DLGAP2: variants seen among roughly 807,000 people sequenced by gnomAD.
DLGAP2 encodes DLG associated protein 2.
Under a neutral mutation model 100.3 loss-of-function variants are expected in DLGAP2, and 26 were observed. The observed-to-expected ratio is 0.26, with a 90% confidence interval of 0.19 to 0.36. DLGAP2 has a LOEUF of 0.36. Ranked by LOEUF, DLGAP2 falls within the 10% of genes least tolerant of loss-of-function variation. The pLI is 1.00. For missense variants in DLGAP2, 1,858 were observed against 1,453.2 expected (o/e 1.28, Z -4.53); for synonymous variants, 886 against 630.1 (o/e 1.41, Z -6.08).
At chr8:1,663,506 A>G (rs1026609441) in intron 8 of DLGAP2, among the ~76,000 whole-genome samples, 4 of 152,166 alleles carry the variant, frequency 2.6e-5, no homozygotes, top group Non-Finnish European at 5.9e-5. Flanking sequence ...CCAAGATCAC[A>G]TGATGACATG....
Position 1,675,238 on chromosome 8 carries a change from C to T in DLGAP2, c.2203-1295C>T, listed in dbSNP as rs1420638972. 3.3e-5 allele frequency among the ~76,000 whole-genome samples: 5 copies of T among 152,248 alleles called. No individual in the cohort carries two copies. The South Asian group carries it at 6.2e-4, about 19-fold the overall frequency. ...GGCCGAGAGCTCCAGGGTTTTCTCGCGCTCTGTCTTCTGTGCGGCACCCGG... is the reference window on the plus strand; with the variant it reads ...GGCCGAGAGCTCCAGGGTTTTCTCGTGCTCTGTCTTCTGTGCGGCACCCGG... On this transcript the variant is annotated intron_variant, in intron 10 of 14. Coordinates refer to ENST00000637795, the MANE Select transcript of DLGAP2 (RefSeq NM_001346810.2).
intron 2 of DLGAP2, among the ~76,000 whole-genome samples, chr8:1,219,497 G>A (rs11778225): frequency 0.26 from 39,099 of 151,944 alleles, 7,382 homozygotes; most frequent in African/African-American, 0.53. Context: ...GCATCTTAAT[G>A]TGCTGCTGGA....
intron 3 of DLGAP2, among the ~76,000 whole-genome samples, chr8:1,285,529 T>C (rs1799904032): frequency 6.6e-6 from 1 of 152,194 alleles, no homozygotes; most frequent in Non-Finnish European, 1.5e-5. Context: ...TCTGGGGCTG[T>C]GGAATAATAA....
chr8:1,301,544 C>G (rs1379052537), intron 3 of DLGAP2: 1 of 152,094 alleles, frequency 6.6e-6, no homozygotes. Flanking sequence ...CACTTTCACT[C>G]TTTTTCTTGC....
At chr8:969,233 A>T (rs1799955206) in intron 2 of DLGAP2, among the ~76,000 whole-genome samples, 1 of 152,136 alleles carries the variant, frequency 6.6e-6, no homozygotes, top group African/African-American at 2.4e-5. Context: ...ATGGCCTCCG[A>T]TGTCAGCTCT....
At chr8:1,206,917 A>G (rs577134852) in intron 2 of DLGAP2, among the ~76,000 whole-genome samples, 13 of 151,610 alleles carry the variant, frequency 8.6e-5, no homozygotes, top group African/African-American at 2.2e-4. Context: ...GTCTCCATCC[A>G]CAAGTGTTCC....
At chr8:788,833 G>T (rs919347431) in intron 1 of DLGAP2, among the ~76,000 whole-genome samples, 5 of 152,200 alleles carry the variant, frequency 3.3e-5, no homozygotes, top group African/African-American at 9.7e-5. Context: ...ATGCATCTTT[G>T]TGACTTTTTC....
chr8:1,679,964 A>C (rs1199103229), intron 12 of DLGAP2, among the ~76,000 whole-genome samples: 1 of 137,630 alleles, frequency 7.3e-6, no homozygotes. Flanking sequence ...TGGGCAACAG[A>C]ATGAGACTCT....
chr8:1,201,335 G>A (rs1797869435), intron 2 of DLGAP2, among the ~76,000 whole-genome samples: 1 of 152,216 alleles, frequency 6.6e-6, no homozygotes, highest in African/African-American at 2.4e-5. Flanking sequence ...ACCAGCAGGA[G>A]CTCTGCTCCC....
intron 2 of DLGAP2, among the ~76,000 whole-genome samples, chr8:975,153 C>G (rs1398097150): frequency 1.3e-5 from 2 of 152,104 alleles, no homozygotes; most frequent in Non-Finnish European, 2.9e-5. Flanking sequence ...ATGAAATGGA[C>G]AAGTTGTTTG....
At chr8:1,307,113 TATC>T (rs1800508944) in intron 3 of DLGAP2, among the ~76,000 whole-genome samples, 3 of 152,198 alleles carry the variant, frequency 2.0e-5, no homozygotes, top group African/African-American at 2.4e-5. Flanking sequence ...TGGGAGTAGA[TATC>T]ATATATCAAA....
At chr8:1,546,541 C>T (rs892863275) in intron 4 of DLGAP2, among the ~76,000 whole-genome samples, 1 of 152,254 alleles carries the variant, frequency 6.6e-6, no homozygotes, top group African/African-American at 2.4e-5. Context: ...GAGGCCATAC[C>T]TAGGACTAGT....
chr8:1,616,465 C>T (rs930767593), intron 6 of DLGAP2, among the ~76,000 whole-genome samples: 8 of 151,774 alleles, frequency 5.3e-5, no homozygotes, highest in Admixed American at 4.6e-4. Flanking sequence ...CTGTGGAAAA[C>T]CAGAGAGAGA....
chr8:1,335,771 TC>T, intron 3 of DLGAP2, among the ~76,000 whole-genome samples: 1 of 152,396 alleles, frequency 6.6e-6, no homozygotes, highest in Middle Eastern at 3.4e-3. Flanking sequence ...TTTATTTATG[TC>T]CTTCCTTGTT....
intron 1 of DLGAP2, among the ~76,000 whole-genome samples, chr8:762,781 T>C (rs1168046670): frequency 1.3e-5 from 2 of 151,946 alleles, no homozygotes; most frequent in Non-Finnish European, 2.9e-5. Flanking sequence ...TGGGCTGCAG[T>C]GATCCTCCCC....
Position 1,153,957 on chromosome 8 carries a change from T to C in DLGAP2, c.74-104894T>C, listed in dbSNP as rs76399429. On this transcript the variant is annotated intron_variant, in intron 2 of 14. Coordinates refer to ENST00000637795, the MANE Select transcript of DLGAP2 (RefSeq NM_001346810.2). ...CCCCTTTCCTAGGGGGTTTCATGTTTGCAGTGATCTTATTTTTCAGTAATT... is the reference window on the plus strand; with the variant it reads ...CCCCTTTCCTAGGGGGTTTCATGTTCGCAGTGATCTTATTTTTCAGTAATT... 6.3e-3 allele frequency among the ~76,000 whole-genome samples: 959 copies of C among 152,302 alleles called. 8 individuals are homozygous for C. Among genetic ancestry groups the C allele is most frequent in the South Asian group, 0.021 (101 of 4,816 alleles).
At chr8:1,470,775 ACT>A (rs1798761963) in intron 3 of DLGAP2, among the ~76,000 whole-genome samples, 7 of 76,016 alleles carry the variant, frequency 9.2e-5, no homozygotes, top group East Asian at 4.9e-4. Context: ...GCCTTTCCCG[ACT>A]CCCCCAGCCT....
rs184257560 is a variant in DLGAP2, at chr8:848,815, C to T, written c.19-59097C>T. On this transcript the variant is annotated intron_variant, in intron 1 of 14. Transcript: ENST00000637795. ...TGCGTGTTCCAGTGTAGGAACGTGCCAGGGTTTGTTCCAGTCTAGGATCTT... is the reference window on the plus strand; with the variant it reads ...TGCGTGTTCCAGTGTAGGAACGTGCTAGGGTTTGTTCCAGTCTAGGATCTT... 2.4e-3 allele frequency among the ~76,000 whole-genome samples: 357 copies of T among 150,110 alleles called. 4 individuals carry two copies. The highest frequency in any genetic ancestry group is 8.2e-3 in the African/African-American group (335 of 40,740).
At chr8:988,862 A>G (rs1800565562) in intron 2 of DLGAP2, among the ~76,000 whole-genome samples, 1 of 152,200 alleles carries the variant, frequency 6.6e-6, no homozygotes, top group South Asian at 2.1e-4. Context: ...GCTGTCCCAC[A>G]GTCACCTGCA....
Sources: allele counts gnomAD v4.1 joint callset (sites outside exome capture counted in the v4.1 genomes callset), GRCh38; gene constraint gnomAD v4.1.1; transcripts MANE v1.5; gene names NCBI Gene and HGNC (gene_info 2026-07-23, HGNC 2026-07-21).